ACSBG1: variants seen among roughly 807,000 people sequenced by gnomAD.
The protein encoded by ACSBG1 is acyl-CoA synthetase bubblegum family member 1.
ACSBG1 carries 39 observed loss-of-function variants against 80.2 expected under a neutral mutation model. That is an observed-to-expected ratio of 0.49 (90% CI 0.38 to 0.64). The LOEUF is 0.64. Ranked by LOEUF, ACSBG1 falls within the 30% of genes least tolerant of loss-of-function variation. The pLI is 0.00. For missense variants in ACSBG1, 828 were observed against 966.4 expected (o/e 0.86, Z 1.90); for synonymous variants, 392 against 379.5 (o/e 1.03, Z -0.38).
Position 78,168,770 on chromosome 15 carries a change from G to A in ACSBG1, c.*2674C>T. Reference sequence around the variant, plus strand: ...GATCCTCCTGGGCTGGGTAGATGGTGGTGGAGTGGTTCCTCACTTTGAAAT... The same window carrying A: ...GATCCTCCTGGGCTGGGTAGATGGTAGTGGAGTGGTTCCTCACTTTGAAAT... On this transcript the variant is annotated 3_prime_UTR_variant, in exon 14 of 14. Coordinates refer to ENST00000258873, the MANE Select transcript of ACSBG1 (RefSeq NM_015162.5). 1 of 625,106 alleles carries A rather than the reference G, an allele frequency of 1.6e-6. No homozygotes were observed. Among genetic ancestry groups the A allele is most frequent in the Non-Finnish European group, 2.9e-6 (1 of 341,996 alleles). 38.7% of individuals were successfully genotyped at this position (625,106 alleles called of 1,614,324 possible).
intron 5 of ACSBG1, among the ~76,000 whole-genome samples, chr15:78,184,624 C>T (rs1435630944): frequency 3.3e-5 from 5 of 152,172 alleles, no homozygotes; most frequent in Admixed American, 2.0e-4. Context: ...TAAAACCTCA[C>T]AATATAACAT....
chr15:78,185,425 TTAGAG>T (rs1157912179), intron 5 of ACSBG1, among the ~76,000 whole-genome samples: 1 of 152,118 alleles, frequency 6.6e-6, no homozygotes, highest in Non-Finnish European at 1.5e-5. Context: ...TAAATTAGCC[TTAGAG>T]TAAAGACTAC....
chr15:78,187,427 A>C lies in ACSBG1; in HGVS notation c.664-4642T>G, dbSNP rs2075015026. ...GAACATTGATGCAAAAATCCTCAAT[A>C]AAATACTGGCAAACCAAATCCAGCA... On this transcript the variant is annotated intron_variant, in intron 5 of 13. Transcript: ENST00000258873. 8.5e-5 allele frequency among the ~76,000 whole-genome samples: 13 copies of C among 152,330 alleles called. 1 individual carries two copies. Among genetic ancestry groups the C allele is most frequent in the Admixed American group, 8.5e-4 (13 of 15,300 alleles).
At chr15:78,216,605 A>G (rs1205059457) in intron 1 of ACSBG1, among the ~76,000 whole-genome samples, 1 of 152,090 alleles carries the variant, frequency 6.6e-6, no homozygotes, top group African/African-American at 2.4e-5. Context: ...ATCCCCCTAG[A>G]ATCCACTAGG....
intron 2 of ACSBG1, chr15:78,207,734 GTCTC>G (rs2075228656): frequency 1.3e-5 from 6 of 472,054 alleles, no homozygotes; most frequent in East Asian, 6.8e-5. Flanking sequence ...TGTCCTACCT[GTCTC>G]TCTATCTCTG....
intron 1 of ACSBG1, among the ~76,000 whole-genome samples, chr15:78,222,489 C>A (rs896171997): frequency 6.6e-6 from 1 of 152,066 alleles, no homozygotes; most frequent in Admixed American, 6.6e-5. Context: ...ATGGTGAAAC[C>A]CTGTCTCCAC....
At chr15:78,179,524 A>C (rs1024731327) in intron 10 of ACSBG1, 26 bp downstream of exon 10, 6 of 1,596,628 alleles carry the variant, frequency 3.8e-6, no homozygotes, top group Non-Finnish European at 5.1e-6. Context: ...ATGGGTGTGC[A>C]TGTGTGTGGC....
chr15:78,222,141 C>A (rs1385520248), intron 1 of ACSBG1, among the ~76,000 whole-genome samples: 2 of 152,140 alleles, frequency 1.3e-5, no homozygotes, highest in African/African-American at 4.8e-5. Context: ...CTGATACATG[C>A]TACAACATGG....
At chr15:78,194,169 G>T in intron 3 of ACSBG1, 149 bp from the exon 4 acceptor site, 1 of 778,088 alleles carries the variant, frequency 1.3e-6, no homozygotes. Flanking sequence ...GGAGGAGAAG[G>T]GGTTGGTCAC....
At chr15:78,219,362 G>A (rs1595902862) in intron 1 of ACSBG1, among the ~76,000 whole-genome samples, 1 of 147,072 alleles carries the variant, frequency 6.8e-6, no homozygotes, top group African/African-American at 2.5e-5. Context: ...AGCCGAGATT[G>A]TGCCACTGCA....
chr15:78,199,120 T>TTTCC (rs895417876), intron 2 of ACSBG1, among the ~76,000 whole-genome samples: 1 of 152,028 alleles, frequency 6.6e-6, no homozygotes, highest in African/African-American at 2.4e-5. Flanking sequence ...TTTCTTTCTT[T>TTTCC]TTCCTTCCTT....
intron 12 of ACSBG1, 93 bp from the exon 13 acceptor site, chr15:78,173,932 G>T: frequency 7.0e-7 from 1 of 1,423,326 alleles, no homozygotes; most frequent in Non-Finnish European, 9.5e-7. Flanking sequence ...CGGCAAGGGT[G>T]TGAATCATGT....
chr15:78,226,801 T>C (rs865914094), intron 1 of ACSBG1, among the ~76,000 whole-genome samples: 1 of 139,160 alleles, frequency 7.2e-6, no homozygotes, highest in Non-Finnish European at 1.5e-5. Flanking sequence ...TATATATATA[T>C]AATATATATA....
At chr15:78,193,371 G>A (rs2075074285) in intron 5 of ACSBG1, 135 bp downstream of exon 5, 2 of 1,297,108 alleles carry the variant, frequency 1.5e-6, no homozygotes, top group Non-Finnish European at 2.1e-6. Context: ...CTTGCTTGCT[G>A]TGTATGCATT....
At position 78,171,308 on chromosome 15, in the gene ACSBG1, C is replaced by T. The variant is rs2074818325; in HGVS notation, c.*136G>A. ...GCGTAAGACCTGGTAAATGTAGAGCCAGTGCTGTGCCCTGACCTGGAGATC... is the reference window on the plus strand; with the variant it reads ...GCGTAAGACCTGGTAAATGTAGAGCTAGTGCTGTGCCCTGACCTGGAGATC... On this transcript the variant is annotated 3_prime_UTR_variant, in exon 14 of 14. Coordinates refer to ENST00000258873, the MANE Select transcript of ACSBG1 (RefSeq NM_015162.5). 2 of 628,380 alleles carry T rather than the reference C, an allele frequency of 3.2e-6. No individual in the cohort carries two copies. The highest frequency in any genetic ancestry group is 5.5e-6 in the Non-Finnish European group (2 of 361,328). The allele number at this position is 628,380 out of a possible 1,614,324, so 38.9% of individuals were successfully genotyped here. A position where few individuals can be genotyped will look rare whatever the true frequency, so the allele number is the denominator to read the frequency against.
At chr15:78,202,610 CCCTAGG>C (rs2075179136) in intron 2 of ACSBG1, among the ~76,000 whole-genome samples, 1 of 152,204 alleles carries the variant, frequency 6.6e-6, no homozygotes, top group Non-Finnish European at 1.5e-5. Context: ...CTCCCTCTCT[CCCTAGG>C]TTTCTCCTAA....
chr15:78,226,993 G>A (rs1423262082), intron 1 of ACSBG1, among the ~76,000 whole-genome samples: 1 of 150,852 alleles, frequency 6.6e-6, no homozygotes, highest in African/African-American at 2.4e-5. Flanking sequence ...GCCGAGGAGG[G>A]CAGATCACTT....
rs531102413 is a variant in ACSBG1 at position 78,216,621 on chromosome 15, C to T, written c.132-8519G>A. Among the ~76,000 whole-genome samples the T allele has an allele frequency of 1.4e-3, 213 of 152,274 alleles. 1 individual carries two copies. The highest frequency in any genetic ancestry group is 4.4e-3 in the African/African-American group (183 of 41,554). On this transcript the variant is annotated intron_variant, in intron 1 of 13. Coordinates refer to ENST00000258873, the MANE Select transcript of ACSBG1 (RefSeq NM_015162.5). ...TCCCCCTAGAATCCACTAGGAAGAA[C>T]ATATTTGGAGCAGGCACCCTGGAGC... is the stretch of plus-strand genomic sequence containing the variant.
chr15:78,221,510 T>C (rs867456650), intron 1 of ACSBG1, among the ~76,000 whole-genome samples: 2 of 152,112 alleles, frequency 1.3e-5, no homozygotes, highest in African/African-American at 4.8e-5. Flanking sequence ...ACAGAACGAA[T>C]AGTTAGCTTT....
Sources: gnomAD v4.1 joint callset for allele counts (sites outside exome capture counted in the v4.1 genomes callset) on GRCh38, gnomAD v4.1.1 for gene constraint, MANE v1.5 for transcripts, NCBI Gene and HGNC (gene_info 2026-07-23, HGNC 2026-07-21) for gene names.